The following RELL2 variants were observed in gnomAD, a reference collection of about 807,000 sequenced individuals.
RELL2 encodes the protein RELT like 2.
Under a neutral mutation model 27.5 loss-of-function variants are expected in RELL2, and 18 were observed. The ratio of observed to expected loss-of-function variants is 0.65; its 90% CI spans 0.45 to 0.97. The LOEUF (loss-of-function observed/expected upper bound fraction) is 0.97. RELL2 is among the 50% of genes least tolerant of loss of function. The pLI, the probability that RELL2 is intolerant of heterozygous loss-of-function variation, is 0.00. For synonymous variants in RELL2, 156 were observed against 147.5 expected (o/e 1.06, Z -0.42); for missense variants, 370 against 397.5 (o/e 0.93, Z 0.59).
In RELL2 at chr5:141,640,309, G is replaced by C. The variant is rs761133000; in HGVS notation, c.879+14G>C. 1 of 1,613,818 alleles carries C rather than the reference G, an allele frequency of 6.2e-7. No homozygotes were observed. Among genetic ancestry groups the C allele is most frequent in the Admixed American group, 1.7e-5 (1 of 59,984 alleles). On this transcript the variant is annotated intron_variant, in intron 5 of 6. Transcript: ENST00000297164. ...TCTGATCACCAGGTAGGAAAACACAGCCGGGACTGCACTGGGCTGGGCTCT... is the reference window on the plus strand; with the variant it reads ...TCTGATCACCAGGTAGGAAAACACACCCGGGACTGCACTGGGCTGGGCTCT...
rs2099906640 is a variant in RELL2, at chr5:141,639,908, C to T, written c.504-12C>T. On this transcript the variant is annotated splice_polypyrimidine_tract_variant and intron_variant, in intron 4 of 6. Coordinates refer to ENST00000297164, the MANE Select transcript of RELL2 (RefSeq NM_173828.5). This position sits in a 1 kb window ranked among gnomAD's most constrained non-coding sequence, Gnocchi z 4.4. ...TTGTGGTCCTAAACCCCAGTGTTCC[C>T]TCCCCTCCCAGGTTCCGGGTGACAC... 6.2e-7 allele frequency: 1 copy of T among 1,613,600 alleles called. No homozygotes were observed. Among genetic ancestry groups the T allele is most frequent in the Non-Finnish European group, 8.5e-7 (1 of 1,179,918 alleles).
Position 141,638,981 on chromosome 5 carries a change from CTG to C in RELL2, c.278_279del (p.Leu93ArgfsTer4). ...EANAEALKEMLGDSEGEGTVQ... is the reference protein window; with the variant it reads ...EANAEALKEMXGDSEGEGTVQ... Reference sequence around the variant, plus strand: ...CAATGCTGAGGCCTTGAAGGAGATGCTGGGGGACAGTGAAGGAGAAGGGACAG... The same window carrying C: ...CAATGCTGAGGCCTTGAAGGAGATGCGGGGACAGTGAAGGAGAAGGGACAG... On this transcript the variant is annotated frameshift_variant, in exon 3 of 7. Transcript: ENST00000297164. LOFTEE classifies it high-confidence loss of function. 6.2e-7 allele frequency: 1 copy of C among 1,614,132 alleles called. No individual in the cohort carries two copies. The highest frequency in any genetic ancestry group is 8.5e-7 in the Non-Finnish European group (1 of 1,180,002).
Position 141,639,663 on chromosome 5 carries a change from T to C in RELL2, c.503+14T>C, listed in dbSNP as rs1369951695. The C allele has an allele frequency of 1.3e-6, 2 of 1,587,572 alleles. No homozygotes were observed. The highest frequency in any genetic ancestry group is 1.4e-5 in the African/African-American group (1 of 73,558). ...CTCTGTGGGCAGGTGGGGCAGGTGC[T>C]CCAGGGAAAGGGGGGCTGAGGTAGG... is the stretch of plus-strand genomic sequence containing the variant. On this transcript the variant is annotated intron_variant, in intron 4 of 6. Transcript: ENST00000297164. The surrounding 1 kb of genome is among the most constrained non-coding windows in gnomAD (Gnocchi z 4.4).
At chr5:141,638,657 C>G in intron 1 of RELL2, 138 bp from the exon 2 acceptor site, 2 of 809,900 alleles carry the variant, frequency 2.5e-6, no homozygotes, top group South Asian at 1.5e-5. Context: ...TTTTCTGGTC[C>G]CTGAAATGCT....
chr5:141,637,056 G>C lies in RELL2; in HGVS notation c.-1170G>C, dbSNP rs1292364558. 27 of 344,354 alleles carry C rather than the reference G, an allele frequency of 7.8e-5. No homozygotes were observed. In the Admixed American group the frequency reaches 1.3e-3, roughly 16 times the overall value. The allele number at this position is 344,354 out of a possible 1,614,324, so 21.3% of individuals were successfully genotyped here. ...AGCTCCTAGGATGCGAGGGCCATTT[G>C]TCTCCGGCCGGGGGTCAGATCCTCG... On this transcript the variant is annotated 5_prime_UTR_variant, in exon 1 of 7. Transcript: ENST00000297164.
chr5:141,640,083 C>T lies in RELL2; in HGVS notation c.667C>T (p.Pro223Ser), dbSNP rs752821611. ...KAGMPAMERL[P>S]PERPQPQVLA... ...AGGGATGCCTGCCATGGAGAGGCTGCCCCCTGAGAGGCCACAGCCCCAGGT... is the reference window on the plus strand; with the variant it reads ...AGGGATGCCTGCCATGGAGAGGCTGTCCCCTGAGAGGCCACAGCCCCAGGT... Residue 223 changes from proline (P) to serine (S), a missense_variant, in exon 5 of 7, where the codon CCC (proline) becomes TCC (serine). By Grantham distance (74) the Pro-to-Ser change is moderately conservative. Transcript: ENST00000297164. The T allele has an allele frequency of 1.2e-6, 2 of 1,613,100 alleles. No homozygotes were observed. Among genetic ancestry groups the T allele is most frequent in the Non-Finnish European group, 1.7e-6 (2 of 1,179,642 alleles).
In RELL2 at chr5:141,638,827, G is replaced by C; in HGVS notation, c.217G>C (p.Glu73Gln). Residue 73 changes from glutamate to glutamine, a missense_variant, in exon 2 of 7, where the codon GAG becomes CAG. Coordinates refer to ENST00000297164, the MANE Select transcript of RELL2 (RefSeq NM_173828.5). ...EDDDMNEDTVERIVRCIIQNE... is the reference protein window; with the variant it reads ...EDDDMNEDTVQRIVRCIIQNE... ...CGATGACATGAATGAGGACACAGTAGAGAGGATTGTTCGCTGCATCATCCA... is the reference window on the plus strand; with the variant it reads ...CGATGACATGAATGAGGACACAGTACAGAGGATTGTTCGCTGCATCATCCA... 1 of 1,614,218 alleles carries C rather than the reference G, an allele frequency of 6.2e-7. No individual in the cohort carries two copies. The highest frequency in any genetic ancestry group is 8.5e-7 in the Non-Finnish European group (1 of 1,180,028).
At position 141,638,958 on chromosome 5, in the gene RELL2, A is replaced by G. The variant is rs1471987059; in HGVS notation, c.254A>G (p.Asn85Ser). 6.2e-7 allele frequency: 1 copy of G among 1,613,734 alleles called. No individual in the cohort carries two copies. Among genetic ancestry groups the G allele is most frequent in the South Asian group, 1.1e-5 (1 of 91,068 alleles). The change falls in exon 3 of 7, where the codon AAT becomes AGT. Residue 85 changes from asparagine to serine, a missense_variant. Transcript: ENST00000297164. ...IVRCIIQNEA[N>S]AEALKEMLGD... ...CCTCTTTTCCTTCTTCCCTCAGCCA[A>G]TGCTGAGGCCTTGAAGGAGATGCTG...
At position 141,638,854 on chromosome 5, in the gene RELL2, A is replaced by G; in HGVS notation, c.244A>G (p.Asn82Asp). The G allele has an allele frequency of 6.2e-7, 1 of 1,614,032 alleles. No individual in the cohort carries two copies. Among genetic ancestry groups the G allele is most frequent in the South Asian group, 1.1e-5 (1 of 91,078 alleles). ...GAGGATTGTTCGCTGCATCATCCAG[A>G]ATGAAGGTGGGTCTAGCATAGCCCC... ...VERIVRCIIQNEANAEALKEM... is the reference protein window; with the variant it reads ...VERIVRCIIQDEANAEALKEM... Residue 82 changes from asparagine (N) to aspartate (D), a missense_variant, in exon 2 of 7, where the codon AAT becomes GAT. Coordinates refer to ENST00000297164, the MANE Select transcript of RELL2 (RefSeq NM_173828.5).
In RELL2 at chr5:141,637,967, G is replaced by T. The variant is rs982311445; in HGVS notation, c.-259G>T. 16 of 424,092 alleles carry T rather than the reference G, an allele frequency of 3.8e-5. No individual in the cohort carries two copies. The highest frequency in any genetic ancestry group is 4.7e-5 in the Non-Finnish European group (11 of 234,292). The allele number at this position is 424,092 out of a possible 1,614,324, so 26.3% of individuals were successfully genotyped here. A position where few individuals can be genotyped will look rare whatever the true frequency, so the allele number is the denominator to read the frequency against. On this transcript the variant is annotated 5_prime_UTR_variant, in exon 1 of 7. Coordinates refer to ENST00000297164, the MANE Select transcript of RELL2 (RefSeq NM_173828.5). The stretch of plus-strand genomic sequence containing the variant: ...GCGCGAACAAGCTGGAAAGGGGAAC[G>T]CTCGGGGCGTCGGGGAAGCGGGACC...
intron 1 of RELL2, 142 bp downstream of exon 1, chr5:141,638,551 G>A (rs1025695391): frequency 2.4e-6 from 2 of 830,172 alleles, no homozygotes; most frequent in African/African-American, 1.7e-5. Flanking sequence ...GTTAGCAAGT[G>A]GGGTGACACC....
chr5:141,638,394 GC>G lies in RELL2; in HGVS notation c.172del (p.Gln58SerfsTer10). ...GTCGAGGGGCTCTGAGCCTGACGAT[GC>G]CCAGCTTCAGCCCCGTGAGTGAGGA... ...RTSRGSEPDD[A>X]QLQPPEDDDM... On this transcript the variant is annotated frameshift_variant, in exon 1 of 7. Transcript: ENST00000297164. LOFTEE classifies it high-confidence loss of function. The G allele has an allele frequency of 3.1e-6, 5 of 1,611,038 alleles. No individual in the cohort carries two copies. The highest frequency in any genetic ancestry group is 4.2e-6 in the Non-Finnish European group (5 of 1,179,408).
At chr5:141,640,388 G>A (rs775287532) in intron 5 of RELL2, 24 bp from the exon 6 acceptor site, 1 of 1,614,140 alleles carries the variant, frequency 6.2e-7, no homozygotes, top group Non-Finnish European at 8.5e-7. Context: ...GTCTCTCATT[G>A]TTGACCCCTC....
At chr5:141,638,550 TG>T in intron 1 of RELL2, 141 bp downstream of exon 1, 1 of 837,406 alleles carries the variant, frequency 1.2e-6, no homozygotes, top group East Asian at 2.6e-5. Context: ...AGTTAGCAAG[TG>T]GGGTGACACC....
rs757419727 is a variant in RELL2, at chr5:141,638,348, G to A, written c.123G>A (p.Lys41=). 6 of 1,613,998 alleles carry A rather than the reference G, an allele frequency of 3.7e-6. No individual in the cohort carries two copies. The highest frequency in any genetic ancestry group is 4.2e-6 in the Non-Finnish European group (5 of 1,180,014). ...TCATGATCTGCCACGTGCTCAAGAA[G>A]AAGGGCTACCGCTGCCGCACGTCGA... The part of the protein sequence containing the change: ...VGFMICHVLK[K]KGYRCRTSRG... The change falls in exon 1 of 7, where the codon AAG becomes AAA. Residue 41 remains lysine (K), a synonymous_variant. Coordinates refer to ENST00000297164, the MANE Select transcript of RELL2 (RefSeq NM_173828.5).
At position 141,638,424 on chromosome 5, in the gene RELL2, T is replaced by G. The variant is rs1349773454; in HGVS notation, c.184+15T>G. On this transcript the variant is annotated intron_variant, in intron 1 of 6. Transcript: ENST00000297164. ...GCTTCAGCCCCGTGAGTGAGGAGCC[T>G]GGAACCCTGGCTCAGTCACCTTTCA... The G allele has an allele frequency of 6.3e-7, 1 of 1,595,694 alleles. No homozygotes were observed. Among genetic ancestry groups the G allele is most frequent in the African/African-American group, 1.3e-5 (1 of 74,632 alleles).
At position 141,638,839 on chromosome 5, in the gene RELL2, C is replaced by T. The variant is rs368112224; in HGVS notation, c.229C>T (p.Arg77Cys). Reference sequence around the variant, plus strand: ...TGAGGACACAGTAGAGAGGATTGTTCGCTGCATCATCCAGAATGAAGGTGG... The same window carrying T: ...TGAGGACACAGTAGAGAGGATTGTTTGCTGCATCATCCAGAATGAAGGTGG... ...MNEDTVERIV[R>C]CIIQNEANAE... The change falls in exon 2 of 7, where the codon CGC becomes TGC. Residue 77 changes from arginine to cysteine, a missense_variant. Arg to Cys is a radical substitution (Grantham distance 180, BLOSUM62 -3). Coordinates refer to ENST00000297164, the MANE Select transcript of RELL2 (RefSeq NM_173828.5). 1.4e-5 allele frequency: 23 copies of T among 1,614,032 alleles called. No homozygotes were observed. The highest frequency in any genetic ancestry group is 1.9e-5 in the Non-Finnish European group (22 of 1,179,976).
chr5:141,638,076 T>TGGGTA lies in RELL2; in HGVS notation c.-146_-142dup. 1.6e-6 allele frequency: 1 copy of TGGGTA among 631,932 alleles called. No individual in the cohort carries two copies. Among genetic ancestry groups the TGGGTA allele is most frequent in the East Asian group, 2.6e-5 (1 of 37,828 alleles). 39.1% of individuals were successfully genotyped at this position (631,932 alleles called of 1,614,324 possible). A position where few individuals can be genotyped will look rare whatever the true frequency, so the allele number is the denominator to read the frequency against. On this transcript the variant is annotated 5_prime_UTR_variant, in exon 1 of 7. Coordinates refer to ENST00000297164, the MANE Select transcript of RELL2 (RefSeq NM_173828.5). ...CTCCTGGCCCGGACAGCTCCCTGGT[T>TGGGTA]GGGTAGGGGGTGGGGCCGGACCTCA...
Position 141,640,004 on chromosome 5 carries a change from T to C in RELL2, c.588T>C (p.Gly196=). ...GSPTDRSWGS[G]GGQDPGGGQG... ...CCACAGACAGGAGCTGGGGCTCTGG[T>C]GGGGGACAGGACCCAGGGGGTGGTC... Residue 196 remains glycine (G), a synonymous_variant, in exon 5 of 7, where the codon GGT becomes GGC. Coordinates refer to ENST00000297164, the MANE Select transcript of RELL2 (RefSeq NM_173828.5). The C allele has an allele frequency of 6.2e-7, 1 of 1,613,372 alleles. No homozygotes were observed. Among genetic ancestry groups the C allele is most frequent in the Non-Finnish European group, 8.5e-7 (1 of 1,179,714 alleles).
Sources: gnomAD v4.1 joint callset for allele counts on GRCh38, gnomAD v4.1.1 for gene constraint, Gnocchi (gnomAD v3.1) non-coding constraint, MANE v1.5 for transcripts, NCBI Gene and HGNC (gene_info 2026-07-23, HGNC 2026-07-21) for gene names.